Variants in SH3GL3 observed in about 807,000 individuals in gnomAD.
SH3GL3 encodes the protein SH3 domain containing GRB2 like 3, endophilin A3.
A neutral mutation model predicts 47.7 loss-of-function variants in SH3GL3; 33 were observed. The ratio of observed to expected loss-of-function variants is 0.69; its 90% CI spans 0.52 to 0.92. SH3GL3 has a LOEUF of 0.92. Among genes scored for constraint, SH3GL3 ranks in the 40% least tolerant of loss-of-function variants. The pLI is 0.00. For missense variants in SH3GL3, 363 were observed against 417.8 expected, an observed-to-expected ratio of 0.87 and a Z score of 1.14; for synonymous variants, 155 against 148.8, an observed-to-expected ratio of 1.04 and a Z score of -0.30.
At chr15:83,500,499 G>A (rs2042248781) in intron 1 of SH3GL3, among the ~76,000 whole-genome samples, 1 of 152,174 alleles carries the variant, frequency 6.6e-6, no homozygotes, top group African/African-American at 2.4e-5. Flanking sequence ...CCTATCAAGT[G>A]CCATATCTCT....
At chr15:83,559,866 A>C (rs1596259116) in intron 2 of SH3GL3, among the ~76,000 whole-genome samples, 1 of 152,178 alleles carries the variant, frequency 6.6e-6, no homozygotes, top group East Asian at 1.9e-4. Context: ...TCTCACATGG[A>C]TTTTGTGAGA....
At chr15:83,449,117 C>A (rs1467824101) in intron 1 of SH3GL3, among the ~76,000 whole-genome samples, 2 of 152,178 alleles carry the variant, frequency 1.3e-5, no homozygotes, top group Admixed American at 6.5e-5. Context: ...GAGTTAAAGG[C>A]AGACTCTAGA....
At chr15:83,616,886 C>A (rs191787349) in intron 8 of SH3GL3, among the ~76,000 whole-genome samples, 30 of 152,124 alleles carry the variant, frequency 2.0e-4, no homozygotes, top group Middle Eastern at 3.4e-3. Context: ...CGTAAATGTC[C>A]AACAATAGGA....
At chr15:83,538,549 A>G (rs1021270872) in intron 1 of SH3GL3, among the ~76,000 whole-genome samples, 1 of 152,152 alleles carries the variant, frequency 6.6e-6, no homozygotes, top group Non-Finnish European at 1.5e-5. Context: ...ATCACCATAG[A>G]TTAGCTTTTC....
intron 1 of SH3GL3, among the ~76,000 whole-genome samples, chr15:83,474,682 C>G (rs973841410): frequency 2.0e-5 from 3 of 152,140 alleles, no homozygotes; most frequent in African/African-American, 7.2e-5. Context: ...TAACTCCTGG[C>G]TTTTTGTCTG....
intron 1 of SH3GL3, among the ~76,000 whole-genome samples, chr15:83,536,468 A>G (rs534358589): frequency 6.7e-6 from 1 of 148,586 alleles, no homozygotes; most frequent in Admixed American, 6.8e-5. Flanking sequence ...CAGTGGCACA[A>G]TCTTGGCTCA....
chr15:83,577,202 C>T (rs1157208199), intron 6 of SH3GL3, among the ~76,000 whole-genome samples: 1 of 152,044 alleles, frequency 6.6e-6, no homozygotes, highest in Admixed American at 6.5e-5. Context: ...AGCCACCACC[C>T]CCGTCCAATC....
intron 6 of SH3GL3, among the ~76,000 whole-genome samples, chr15:83,577,428 T>C (rs1366541327): frequency 6.6e-6 from 1 of 151,734 alleles, no homozygotes; most frequent in Non-Finnish European, 1.5e-5. Flanking sequence ...GGAGACAGGG[T>C]CTCACTCTGT....
intron 1 of SH3GL3, among the ~76,000 whole-genome samples, chr15:83,543,133 T>C (rs2044243896): frequency 6.6e-6 from 1 of 152,194 alleles, no homozygotes; most frequent in South Asian, 2.1e-4. Flanking sequence ...ATGGCTTTTA[T>C]TGTATGGAGA....
Position 83,461,596 on chromosome 15 carries a change from CGTGA to C in SH3GL3, c.45+14021_45+14024del, listed in dbSNP as rs536391484. ...CTCTCTAAAATTAAAAAAAACTATT[CGTGA>C]GTATTTTTTATTTTATGACAATGTA... is the stretch of plus-strand genomic sequence containing the variant. On this transcript the variant is annotated intron_variant, in intron 1 of 8. Coordinates refer to ENST00000427482, the MANE Select transcript of SH3GL3 (RefSeq NM_003027.5). 3.9e-3 allele frequency among the ~76,000 whole-genome samples: 595 copies of C among 151,646 alleles called. 3 individuals carry two copies. Among genetic ancestry groups the C allele is most frequent in the African/African-American group, 0.013 (558 of 41,342 alleles).
rs1426970674 is a variant in SH3GL3, at chr15:83,566,377, T to A, written c.187+1171T>A. The stretch of plus-strand genomic sequence containing the variant: ...GAGAGAGAGAGAGAGTGTGTGTGTG[T>A]GTGTGTGTGTGTGTGTGTGTGTGTG... On this transcript the variant is annotated intron_variant, in intron 3 of 8. Coordinates refer to ENST00000427482, the MANE Select transcript of SH3GL3 (RefSeq NM_003027.5). 3.3e-3 allele frequency among the ~76,000 whole-genome samples: 493 copies of A among 147,238 alleles called. 2 individuals carry two copies. Among genetic ancestry groups the A allele is most frequent in the South Asian group, 0.016 (75 of 4,586 alleles).
chr15:83,619,121 C>A (rs532432987), downstream of SH3GL3, among the ~76,000 whole-genome samples: 2 of 152,184 alleles, frequency 1.3e-5, no homozygotes, highest in Non-Finnish European at 2.9e-5. Flanking sequence ...GCCTACAGTA[C>A]GCACTAGTTA....
chr15:83,447,562 TC>T lies in SH3GL3; in HGVS notation c.31del (p.His11ThrfsTer11). ...TCGGTGGCCGGGCTGAAGAAGCAGT[TC>T]CACAAAGCCAGCCAGGTAGGGAGGC... MSVAGLKKQ[F>X]HKASQLFSEK... On this transcript the variant is annotated frameshift_variant, in exon 1 of 9. Transcript: ENST00000427482. LOFTEE classifies it high-confidence loss of function. This position sits in a 1 kb window ranked among gnomAD's most constrained non-coding sequence, Gnocchi z 5.1. The T allele has an allele frequency of 6.6e-7, 1 of 1,507,528 alleles. No homozygotes were observed. Among genetic ancestry groups the T allele is most frequent in the Non-Finnish European group, 8.9e-7 (1 of 1,125,922 alleles). 93.4% of individuals were successfully genotyped at this position (1,507,528 alleles called of 1,614,324 possible). A position where few individuals can be genotyped will look rare whatever the true frequency, so the allele number is the denominator to read the frequency against.
chr15:83,567,672 C>CATT (rs975836455), intron 3 of SH3GL3, among the ~76,000 whole-genome samples: 11 of 152,266 alleles, frequency 7.2e-5, no homozygotes, highest in African/African-American at 2.6e-4. Context: ...TACTGAAAAT[C>CATT]ATTAGGCTCA....
At chr15:83,578,811 C>A (rs1016591628) in intron 6 of SH3GL3, among the ~76,000 whole-genome samples, 2 of 152,112 alleles carry the variant, frequency 1.3e-5, no homozygotes, top group Admixed American at 6.6e-5. Flanking sequence ...GTTTTGAAGT[C>A]TTTAGAAAAT....
chr15:83,456,862 G>A (rs2040013363), intron 1 of SH3GL3, among the ~76,000 whole-genome samples: 1 of 152,194 alleles, frequency 6.6e-6, no homozygotes, highest in South Asian at 2.1e-4. Flanking sequence ...CAAGTGCATA[G>A]TTAAATATTT....
chr15:83,555,071 C>G (rs2044875327), intron 1 of SH3GL3, among the ~76,000 whole-genome samples: 1 of 152,066 alleles, frequency 6.6e-6, no homozygotes, highest in African/African-American at 2.4e-5. Flanking sequence ...CTCTTCATCT[C>G]TGTTTATTTT....
chr15:83,591,831 GC>G (rs2060110568), intron 8 of SH3GL3, among the ~76,000 whole-genome samples: 1 of 152,082 alleles, frequency 6.6e-6, no homozygotes, highest in Non-Finnish European at 1.5e-5. Context: ...GACTACAGGC[GC>G]CCGATACCGT....
At chr15:83,609,764 G>A (rs1349247645) in intron 8 of SH3GL3, among the ~76,000 whole-genome samples, 2 of 152,018 alleles carry the variant, frequency 1.3e-5, no homozygotes, top group Non-Finnish European at 2.9e-5. Flanking sequence ...TGCCCCTTGC[G>A]CCACTGACCA....
Sources: gnomAD v4.1 joint callset for allele counts (sites outside exome capture counted in the v4.1 genomes callset) on GRCh38, gnomAD v4.1.1 for gene constraint, Gnocchi (gnomAD v3.1) non-coding constraint, MANE v1.5 for transcripts, NCBI Gene and HGNC (gene_info 2026-07-23, HGNC 2026-07-21) for gene names.